Variants in XXYLT1 observed in about 807,000 individuals in gnomAD.
The protein encoded by XXYLT1 is UDP-xylose:alpha-xyloside alpha-1,3-xylosyltransferase.
XXYLT1 carries 20 observed loss-of-function variants against 28.9 expected under a neutral mutation model. That is an observed-to-expected ratio of 0.69 (90% CI 0.49 to 1.00). XXYLT1 has a LOEUF of 1.00. Among genes scored for constraint, XXYLT1 ranks in the 50% least tolerant of loss-of-function variants. The pLI, the probability that XXYLT1 is intolerant of heterozygous loss-of-function variation, is 0.00. For missense variants in XXYLT1, 542 were observed against 560.1 expected (o/e 0.97, Z 0.33); for synonymous variants, 257 against 253.8 (o/e 1.01, Z -0.12).
In XXYLT1 at chr3:195,257,424, G is replaced by C. The variant is rs1577205007; in HGVS notation, c.504+13131C>G. Among the ~76,000 whole-genome samples, 1 of 152,226 alleles carries C rather than the reference G, an allele frequency of 6.6e-6. No individual in the cohort carries two copies. Among genetic ancestry groups the C allele is most frequent in the Admixed American group, 6.5e-5 (1 of 15,288 alleles). ...AAGGGGCTCACCAGGGTGGAGGTGA[G>C]AGGTAGGTCCCCACATAACTGGCAC... is the stretch of plus-strand genomic sequence containing the variant. On this transcript the variant is annotated intron_variant, in intron 1 of 3. Transcript: ENST00000310380. The surrounding 1 kb of genome is among the most constrained non-coding windows in gnomAD (Gnocchi z 4.3).
intron 3 of XXYLT1, among the ~76,000 whole-genome samples, chr3:195,110,247 T>TGG (rs1560100515): frequency 2.4e-5 from 1 of 40,926 alleles, no homozygotes; most frequent in Non-Finnish European, 5.3e-5. Context: ...TGTGCGTGTG[T>TGG]GGGTGAAGTG....
chr3:195,088,415 G>GT (rs1411698521), intron 3 of XXYLT1, among the ~76,000 whole-genome samples: 2 of 145,818 alleles, frequency 1.4e-5, no homozygotes, highest in Non-Finnish European at 3.1e-5. Flanking sequence ...GCACCCCCCA[G>GT]CGGGGCACCT....
intron 2 of XXYLT1, among the ~76,000 whole-genome samples, chr3:195,223,418 T>C (rs1723915083): frequency 6.6e-6 from 1 of 152,108 alleles, no homozygotes; most frequent in African/African-American, 2.4e-5. Flanking sequence ...CCCTCCTGGG[T>C]GAGACCAAGG....
chr3:195,074,953 G>T (rs1278360963), intron 3 of XXYLT1, among the ~76,000 whole-genome samples: 2 of 152,190 alleles, frequency 1.3e-5, no homozygotes, highest in Non-Finnish European at 2.9e-5. Flanking sequence ...GGACAGAGAA[G>T]GTAAGAAGTG....
intron 1 of XXYLT1, 127 bp from the exon 2 acceptor site, chr3:195,226,983 G>A: frequency 3.4e-6 from 4 of 1,168,584 alleles, no homozygotes; most frequent in Non-Finnish European, 4.7e-6. Flanking sequence ...ACAAGCAGGG[G>A]ATGGGGCTAG....
chr3:195,181,705 T>C (rs1423707260), intron 2 of XXYLT1, among the ~76,000 whole-genome samples: 2 of 152,160 alleles, frequency 1.3e-5, no homozygotes, highest in African/African-American at 4.8e-5. Context: ...AGTGGTTAAG[T>C]GCCCACAGGT....
At chr3:195,243,224 G>A (rs979430415) in intron 1 of XXYLT1, among the ~76,000 whole-genome samples, 1 of 152,028 alleles carries the variant, frequency 6.6e-6, no homozygotes, top group Non-Finnish European at 1.5e-5. Flanking sequence ...GTGGGGGGAA[G>A]GGGGAAGGAT....
At chr3:195,088,416 C>T (rs1715919247) in intron 3 of XXYLT1, among the ~76,000 whole-genome samples, 1 of 144,498 alleles carries the variant, frequency 6.9e-6, no homozygotes, top group East Asian at 2.2e-4. Flanking sequence ...CACCCCCCAG[C>T]GGGGCACCTC....
chr3:195,248,002 T>C, intron 1 of XXYLT1: 3 of 533,828 alleles, frequency 5.6e-6, no homozygotes, highest in Non-Finnish European at 1.0e-5. Flanking sequence ...GGGATTACAA[T>C]TTGAGGTGAG....
Position 195,190,216 on chromosome 3 carries a change from T to C in XXYLT1, c.653-33635A>G, listed in dbSNP as rs372499151. On this transcript the variant is annotated intron_variant, in intron 2 of 3. Transcript: ENST00000310380. The stretch of plus-strand genomic sequence containing the variant: ...CCTTATAAGAAATACTAAATGAGGC[T>C]GGGCATGGTGGCTCATGCCTGTAAT... Among the ~76,000 whole-genome samples the C allele has an allele frequency of 3.3e-5, 5 of 152,030 alleles. No individual in the cohort carries two copies. In the East Asian group the frequency reaches 7.7e-4, roughly 23 times the overall value.
At chr3:195,091,131 T>G (rs1716109471) in intron 3 of XXYLT1, among the ~76,000 whole-genome samples, 1 of 143,364 alleles carries the variant, frequency 7.0e-6, no homozygotes. Flanking sequence ...CTTCTGAAAC[T>G]ATTTCAATCA....
At chr3:195,205,486 G>A (rs752885912) in intron 2 of XXYLT1, among the ~76,000 whole-genome samples, 4 of 152,284 alleles carry the variant, frequency 2.6e-5, no homozygotes, top group East Asian at 1.9e-4. Flanking sequence ...TGGTTGCTAC[G>A]GGTCAGAGGA....
intron 3 of XXYLT1, among the ~76,000 whole-genome samples, chr3:195,099,229 AT>A (rs1313132853): frequency 6.6e-6 from 1 of 152,176 alleles, no homozygotes; most frequent in Non-Finnish European, 1.5e-5. Flanking sequence ...TAAGAAATAA[AT>A]AAACGTGCTC....
chr3:195,219,379 A>C (rs1015142592), intron 2 of XXYLT1, among the ~76,000 whole-genome samples: 1 of 152,276 alleles, frequency 6.6e-6, no homozygotes, highest in Non-Finnish European at 1.5e-5. Context: ...TATGGCTTTT[A>C]CTACATTTGT....
rs1009815739 is a variant in XXYLT1, at chr3:195,240,276, C to G, written c.505-13420G>C. ...TCTACCATGCACAGCAAACTCAACA[C>G]TTGTGATGCAGGGAGGCTGAAGCAT... On this transcript the variant is annotated intron_variant, in intron 1 of 3. Transcript: ENST00000310380. This position sits in a 1 kb window ranked among gnomAD's most constrained non-coding sequence, Gnocchi z 4.7. 6.6e-6 allele frequency among the ~76,000 whole-genome samples: 1 copy of G among 152,188 alleles called. No individual in the cohort carries two copies. Among genetic ancestry groups the G allele is most frequent in the Non-Finnish European group, 1.5e-5 (1 of 68,030 alleles).
intron 1 of XXYLT1, among the ~76,000 whole-genome samples, chr3:195,248,300 G>T: frequency 6.6e-6 from 1 of 152,188 alleles, no homozygotes; most frequent in Non-Finnish European, 1.5e-5. Flanking sequence ...ACATGGTTTG[G>T]CTGTGTCTCT....
At chr3:195,208,012 C>T (rs1723146759) in intron 2 of XXYLT1, among the ~76,000 whole-genome samples, 2 of 152,156 alleles carry the variant, frequency 1.3e-5, no homozygotes, top group African/African-American at 4.8e-5. Context: ...ATAACACAGT[C>T]CCAGAGTGAC....
At chr3:195,080,264 C>T (rs1256760172) in intron 3 of XXYLT1, among the ~76,000 whole-genome samples, 6 of 152,198 alleles carry the variant, frequency 3.9e-5, no homozygotes, top group Non-Finnish European at 5.9e-5. Flanking sequence ...GGTGACCTGA[C>T]CTGGGGATGC....
intron 2 of XXYLT1, among the ~76,000 whole-genome samples, chr3:195,213,701 T>C (rs1021686428): frequency 2.0e-5 from 3 of 152,244 alleles, no homozygotes; most frequent in Non-Finnish European, 4.4e-5. Flanking sequence ...TTTACTGCAG[T>C]ACCTATCAGA....
Sources: allele counts gnomAD v4.1 joint callset (sites outside exome capture counted in the v4.1 genomes callset), GRCh38; gene constraint gnomAD v4.1.1; non-coding constraint Gnocchi (gnomAD v3.1); transcripts MANE v1.5; gene names NCBI Gene and HGNC (gene_info 2026-07-23, HGNC 2026-07-21).